The following CSN1S1 variants were observed in gnomAD, a reference collection of about 807,000 sequenced individuals.
CSN1S1 encodes the protein casein alpha s1.
Under a neutral mutation model 49.1 loss-of-function variants are expected in CSN1S1, and 63 were observed. The observed-to-expected ratio is 1.28, with a 90% CI of 1.05 to 1.58. The LOEUF is 1.58. CSN1S1 is among the 40% of genes most tolerant of loss of function. The probability of loss-of-function intolerance (pLI) is 0.00; values close to 1 mark genes in which losing one functional copy is unlikely to be tolerated. For synonymous variants in CSN1S1, 78 were observed against 67.1 expected, an observed-to-expected ratio of 1.16 and a Z score of -0.79; for missense variants, 260 against 224.7, an observed-to-expected ratio of 1.16 and a Z score of -1.01.
chr4:69,932,838 C>G (rs1451197799), intron 2 of CSN1S1, among the ~76,000 whole-genome samples: 1 of 151,570 alleles, frequency 6.6e-6, no homozygotes, highest in Non-Finnish European at 1.5e-5. Flanking sequence ...TATAAGCACC[C>G]CACAATAAAA....
intron 2 of CSN1S1, 43 bp downstream of exon 2, chr4:69,932,649 G>A (rs1238060283): frequency 8.7e-6 from 13 of 1,491,186 alleles, no homozygotes; most frequent in Non-Finnish European, 1.2e-5. Flanking sequence ...ACTCTTGTTA[G>A]AAATGACCTG....
rs1263537928 is a variant in CSN1S1, at chr4:69,935,931, A to T, written c.111A>T (p.Ile37=). The T allele has an allele frequency of 6.5e-7, 1 of 1,533,030 alleles. No individual in the cohort carries two copies. Among genetic ancestry groups the T allele is most frequent in the Non-Finnish European group, 8.8e-7 (1 of 1,132,104 alleles). The allele number at this position is 1,533,030 out of a possible 1,614,324, so 95.0% of individuals were successfully genotyped here. A position where few individuals can be genotyped will look rare whatever the true frequency, so the allele number is the denominator to read the frequency against. Residue 37 remains isoleucine (I), a synonymous_variant, in exon 5 of 16, where the codon ATA becomes ATT. Transcript: ENST00000246891. The part of the protein sequence containing the change: ...LQNPSESSEP[I]PLESREEYMN... ...CATAACTTTTTTTTTTGTAGCCTAT[A>T]CCATTAGAATCAAGAGAGGTAAGAA...
rs1192280412 is a variant in CSN1S1 at position 69,934,710 on chromosome 4, G to C, written c.105G>C (p.Glu35Asp). The C allele has an allele frequency of 1.2e-6, 2 of 1,608,972 alleles. No homozygotes were observed. Among genetic ancestry groups the C allele is most frequent in the African/African-American group, 2.7e-5 (2 of 74,738 alleles). The change falls in exon 4 of 16, where the codon GAG becomes GAC. Residue 35 changes from glutamate (E) to aspartate (D), a missense_variant and splice_region_variant. By Grantham distance (45) the Glu-to-Asp change is conservative. Transcript: ENST00000246891. ...ERLQNPSESSEPIPLESREEY... is the reference protein window; with the variant it reads ...ERLQNPSESSDPIPLESREEY... Reference sequence around the variant, plus strand: ...TACAGAATCCATCAGAGAGCAGTGAGGTAAGCTCTGTTTATGGGGAGTCAG... The same window carrying C: ...TACAGAATCCATCAGAGAGCAGTGACGTAAGCTCTGTTTATGGGGAGTCAG...
intron 14 of CSN1S1, among the ~76,000 whole-genome samples, chr4:69,943,925 G>C (rs1723064497): frequency 6.6e-6 from 1 of 151,874 alleles, no homozygotes; most frequent in Non-Finnish European, 1.5e-5. Flanking sequence ...CATCACTGTT[G>C]TATTGCATGT....
In CSN1S1 at chr4:69,936,446, T is replaced by TA. The variant is rs1351249145; in HGVS notation, c.130-9dup. 6.5e-7 allele frequency: 1 copy of TA among 1,537,422 alleles called. No individual in the cohort carries two copies. The highest frequency in any genetic ancestry group is 2.3e-5 in the East Asian group (1 of 44,328). ...CTAATATTGTTTATGTTTTCTTTTT[T>TA]ATCCCTAAGGAATACATGAATGGTA... is the stretch of plus-strand genomic sequence containing the variant. On this transcript the variant is annotated splice_polypyrimidine_tract_variant and intron_variant, in intron 5 of 15. Transcript: ENST00000246891.
At chr4:69,931,459 T>A (rs1412865262) in intron 1 of CSN1S1, among the ~76,000 whole-genome samples, 2 of 151,994 alleles carry the variant, frequency 1.3e-5, no homozygotes, top group Non-Finnish European at 2.9e-5. Context: ...GCAAATAATT[T>A]CTTATTTTTG....
chr4:69,936,161 A>G (rs527631759), intron 5 of CSN1S1, among the ~76,000 whole-genome samples: 46 of 152,192 alleles, frequency 3.0e-4, no homozygotes, highest in African/African-American at 1.0e-3. Flanking sequence ...TAGAAATGAT[A>G]CAATAAGGAA....
At chr4:69,939,956 TTTTAAC>T in intron 10 of CSN1S1, 59 bp from the exon 11 acceptor site, 1 of 976,604 alleles carries the variant, frequency 1.0e-6, no homozygotes, top group Non-Finnish European at 1.5e-6. Context: ...TTGATTCATA[TTTTAAC>T]TTTAAATGTA....
In CSN1S1 at chr4:69,941,045, C is replaced by T; in HGVS notation, c.327C>T (p.Tyr109=). The T allele has an allele frequency of 6.6e-7, 1 of 1,507,972 alleles. No homozygotes were observed. The highest frequency in any genetic ancestry group is 9.1e-7 in the Non-Finnish European group (1 of 1,103,924). 93.4% of individuals were successfully genotyped at this position (1,507,972 alleles called of 1,614,324 possible). A position where few individuals can be genotyped will look rare whatever the true frequency, so the allele number is the denominator to read the frequency against. ...CAEQFCRLNE[Y]NQLQLQAAHA... is the part of the protein sequence containing the mutation. ...AACAGTTTTGTAGACTGAACGAATA[C>T]AACCAACTTCAGCTGGTAATATTTT... The change falls in exon 12 of 16, where the codon TAC becomes TAT. Residue 109 remains tyrosine, a synonymous_variant. Coordinates refer to ENST00000246891, the MANE Select transcript of CSN1S1 (RefSeq NM_001890.2).
rs776889589 is a variant in CSN1S1, at chr4:69,934,237, G to A, written c.77G>A (p.Arg26His). The change falls in exon 3 of 16, where the codon CGC becomes CAC. Residue 26 changes from arginine to histidine, a missense_variant. By Grantham distance (29) the Arg-to-His change is conservative. Coordinates refer to ENST00000246891, the MANE Select transcript of CSN1S1 (RefSeq NM_001890.2). ...RPKLPLRYPE[R>H]LQNPSESSEP... is the part of the protein sequence containing the mutation. The stretch of plus-strand genomic sequence containing the variant: ...AAACTTCCTCTTAGATACCCAGAAC[G>A]CCTTCAGGTAAATATTCTATTCTGC... 1.7e-5 allele frequency: 28 copies of A among 1,609,814 alleles called. No individual in the cohort carries two copies. Among genetic ancestry groups the A allele is most frequent in the Middle Eastern group, 1.7e-4 (1 of 6,060 alleles).
At chr4:69,934,568 C>T in intron 3 of CSN1S1, 122 bp from the exon 4 acceptor site, 1 of 839,386 alleles carries the variant, frequency 1.2e-6, no homozygotes, top group African/African-American at 1.7e-5. Context: ...ACAGTTTGGT[C>T]TCATTTGATA....
intron 4 of CSN1S1, among the ~76,000 whole-genome samples, chr4:69,935,117 A>G (rs1158401246): frequency 6.6e-6 from 1 of 152,136 alleles, no homozygotes; most frequent in Non-Finnish European, 1.5e-5. Flanking sequence ...ATAATTCACA[A>G]TTTAATTTCA....
At position 69,931,840 on chromosome 4, in the gene CSN1S1, C is replaced by T. The variant is rs149939993; in HGVS notation, c.-12-704C>T. On this transcript the variant is annotated intron_variant, in intron 1 of 15. Transcript: ENST00000246891. The stretch of plus-strand genomic sequence containing the variant: ...CCAGTACATGTGGATGTCCATATTT[C>T]GGGGTTCTTGCAATTTAATGAAACT... Among the ~76,000 whole-genome samples, 136 of 151,762 alleles carry T rather than the reference C, an allele frequency of 9.0e-4. No homozygotes were observed. In the East Asian group the frequency reaches 0.012, roughly 14 times the overall value.
At chr4:69,933,582 G>C (rs192785422) in intron 2 of CSN1S1, among the ~76,000 whole-genome samples, 3 of 152,086 alleles carry the variant, frequency 2.0e-5, no homozygotes, top group African/African-American at 4.8e-5. Flanking sequence ...GGAATGAACT[G>C]TCTGAGCAGT....
intron 6 of CSN1S1, 41 bp downstream of exon 6, chr4:69,936,520 G>C: frequency 6.3e-7 from 1 of 1,597,180 alleles, no homozygotes; most frequent in Non-Finnish European, 8.6e-7. Flanking sequence ...TTAAAAGTTT[G>C]TTTTCATGAA....
At chr4:69,935,644 T>A (rs1417840170) in intron 4 of CSN1S1, among the ~76,000 whole-genome samples, 1 of 152,062 alleles carries the variant, frequency 6.6e-6, no homozygotes, top group East Asian at 1.9e-4. Context: ...AAGATATGTA[T>A]ATGTTAAAGA....
At chr4:69,931,516 T>C (rs2109709126) in intron 1 of CSN1S1, among the ~76,000 whole-genome samples, 1 of 152,054 alleles carries the variant, frequency 6.6e-6, no homozygotes, top group East Asian at 1.9e-4. Flanking sequence ...TTCAAGGCCA[T>C]TTTTGTTTCA....
chr4:69,943,364 T>C (rs79875793), intron 14 of CSN1S1, among the ~76,000 whole-genome samples: 4 of 151,848 alleles, frequency 2.6e-5, no homozygotes. Context: ...TTTGTATTTT[T>C]AGTAGAGACA....
At chr4:69,942,127 G>T in intron 13 of CSN1S1, 64 bp downstream of exon 13, 1 of 926,996 alleles carries the variant, frequency 1.1e-6, no homozygotes. Context: ...TTTTTATAAT[G>T]CATGATTCTC....
Sources: allele counts gnomAD v4.1 joint callset (sites outside exome capture counted in the v4.1 genomes callset), GRCh38; gene constraint gnomAD v4.1.1; transcripts MANE v1.5; gene names NCBI Gene and HGNC (gene_info 2026-07-23, HGNC 2026-07-21).